CLCA1: variants seen among roughly 807,000 people sequenced by gnomAD.
CLCA1 encodes the protein chloride channel accessory 1.
Under a neutral mutation model 85.6 loss-of-function variants are expected in CLCA1, and 59 were observed. That is an observed-to-expected ratio of 0.69 (90% CI 0.56 to 0.86). The LOEUF is 0.86. Ranked by LOEUF, CLCA1 falls within the 40% of genes least tolerant of loss-of-function variation. The pLI is 0.00. For synonymous variants in CLCA1, 396 were observed against 398.3 expected (o/e 0.99, Z 0.07); for missense variants, 1,022 against 1,101.4 (o/e 0.93, Z 1.02).
At position 86,499,730 on chromosome 1, in the gene CLCA1, T is replaced by C. The variant is rs772151371; in HGVS notation, c.2430T>C (p.Asn810=). 1.2e-6 allele frequency: 2 copies of C among 1,606,806 alleles called. No individual in the cohort carries two copies. The highest frequency in any genetic ancestry group is 2.7e-5 in the African/African-American group (2 of 74,756). Reference sequence around the variant, plus strand: ...AGTTCAATGAATCTCTTCAAGTGAATACTACTGCTCTCATCCCAAAGGAAG... The same window carrying C: ...AGTTCAATGAATCTCTTCAAGTGAACACTACTGCTCTCATCCCAAAGGAAG... The part of the protein sequence containing the change: ...RDKFNESLQV[N]TTALIPKEAN... The change falls in exon 14 of 14, where the codon AAT becomes AAC. Residue 810 remains asparagine, a synonymous_variant. Coordinates refer to ENST00000394711, the MANE Select transcript of CLCA1 (RefSeq NM_001285.4).
rs189267538 is a variant in CLCA1 at position 86,482,350 on chromosome 1, G to C, written c.703G>C (p.Ala235Pro). 5.6e-6 allele frequency: 9 copies of C among 1,613,952 alleles called. No homozygotes were observed. The South Asian group carries it at 9.9e-5, about 18-fold the overall frequency. Residue 235 changes from alanine (A) to proline (P), a missense_variant, in exon 5 of 14, where the codon GCT becomes CCT. Physicochemically the swap from Ala to Pro is conservative, Grantham distance 27 (BLOSUM62 -1). Coordinates refer to ENST00000394711, the MANE Select transcript of CLCA1 (RefSeq NM_001285.4). Reference protein sequence around the residue: ...FVLQSRQTEKASIMFAQHVDS... With the variant: ...FVLQSRQTEKPSIMFAQHVDS... The stretch of plus-strand genomic sequence containing the variant: ...TCTCCAATCCCGCCAGACGGAGAAG[G>C]CTTCTATAATGTTTGCACAACATGT...
At chr1:86,471,666 AT>A (rs892612697) in intron 1 of CLCA1, among the ~76,000 whole-genome samples, 2 of 152,128 alleles carry the variant, frequency 1.3e-5, no homozygotes, top group African/African-American at 4.8e-5. Context: ...TTTTAATTTT[AT>A]TTTTTAAAGT....
Position 86,473,535 on chromosome 1 carries a change from C to G in CLCA1, c.281C>G (p.Pro94Arg). The change falls in exon 2 of 14, where the codon CCA becomes CGA. Residue 94 changes from proline to arginine, a missense_variant. Transcript: ENST00000394711. ...TWKTKADYVR[P>R]KLETYKNADV... Reference sequence around the variant, plus strand: ...AAGACAAAGGCTGACTATGTGAGACCAAAACTTGAGACCTACAAAAATGTG... The same window carrying G: ...AAGACAAAGGCTGACTATGTGAGACGAAAACTTGAGACCTACAAAAATGTG... The G allele has an allele frequency of 3.1e-6, 5 of 1,605,348 alleles. No homozygotes were observed. Among genetic ancestry groups the G allele is most frequent in the Non-Finnish European group, 3.4e-6 (4 of 1,175,362 alleles).
At chr1:86,478,408 C>A (rs753780405) in intron 4 of CLCA1, among the ~76,000 whole-genome samples, 1 of 151,820 alleles carries the variant, frequency 6.6e-6, no homozygotes, top group Non-Finnish European at 1.5e-5. Context: ...GCCTAGGCAA[C>A]AGAGCAAGAC....
At chr1:86,470,057 T>A (rs558092955) in intron 1 of CLCA1, among the ~76,000 whole-genome samples, 1 of 152,180 alleles carries the variant, frequency 6.6e-6, no homozygotes, top group African/African-American at 2.4e-5. Context: ...GCCTGGTACA[T>A]AGTAAGAGCT....
At chr1:86,483,667 A>G (rs1410822440) in intron 5 of CLCA1, among the ~76,000 whole-genome samples, 2 of 152,198 alleles carry the variant, frequency 1.3e-5, no homozygotes, top group African/African-American at 2.4e-5. Flanking sequence ...CATAATAACT[A>G]TCACTATTTT....
At chr1:86,489,209 C>T in intron 8 of CLCA1, 39 bp downstream of exon 8, 1 of 1,580,876 alleles carries the variant, frequency 6.3e-7, no homozygotes, top group Non-Finnish European at 8.6e-7. Context: ...TATTGTCTCT[C>T]CTACTGGACT....
At position 86,476,521 on chromosome 1, in the gene CLCA1, C is replaced by A; in HGVS notation, c.525C>A (p.Phe175Leu). The A allele has an allele frequency of 6.3e-7, 1 of 1,591,934 alleles. No homozygotes were observed. Among genetic ancestry groups the A allele is most frequent in the Non-Finnish European group, 8.6e-7 (1 of 1,160,056 alleles). The change falls in exon 4 of 14, where the codon TTC (phenylalanine) becomes TTA (leucine). Residue 175 changes from phenylalanine to leucine, a missense_variant. Physicochemically the swap from Phe to Leu is conservative, Grantham distance 22. Coordinates refer to ENST00000394711, the MANE Select transcript of CLCA1 (RefSeq NM_001285.4). ...VFDEYNNDEKFYLSNGRIQAV... is the reference protein window; with the variant it reads ...VFDEYNNDEKLYLSNGRIQAV... ...ACGAGTACAATAATGATGAGAAATTCTACTTATCCAATGGAAGAATACAAG... is the reference window on the plus strand; with the variant it reads ...ACGAGTACAATAATGATGAGAAATTATACTTATCCAATGGAAGAATACAAG...
intron 4 of CLCA1, among the ~76,000 whole-genome samples, chr1:86,477,502 T>C (rs1404280454): frequency 6.6e-6 from 1 of 152,196 alleles, no homozygotes; most frequent in Non-Finnish European, 1.5e-5. Context: ...AAAACTGCTT[T>C]AGTGCAAACA....
chr1:86,475,335 C>A (rs893257151), intron 3 of CLCA1, among the ~76,000 whole-genome samples: 1 of 152,162 alleles, frequency 6.6e-6, no homozygotes, highest in African/African-American at 2.4e-5. Context: ...CTCACATAAC[C>A]CTCCAAATTC....
intron 5 of CLCA1, among the ~76,000 whole-genome samples, chr1:86,484,036 G>A (rs1199698011): frequency 2.0e-5 from 3 of 152,130 alleles, no homozygotes; most frequent in Non-Finnish European, 2.9e-5. Flanking sequence ...ATCAGATTAC[G>A]TGGGAACTCA....
Position 86,485,434 on chromosome 1 carries a change from T to A in CLCA1, c.827T>A (p.Ile276Asn). The A allele has an allele frequency of 6.2e-7, 1 of 1,614,150 alleles. No homozygotes were observed. The highest frequency in any genetic ancestry group is 1.1e-5 in the South Asian group (1 of 91,090). Residue 276 changes from isoleucine to asparagine, a missense_variant, in exon 6 of 14, where the codon ATC becomes AAC. Transcript: ENST00000394711. Reference protein sequence around the residue: ...KCNLRSTWEVIRDSEDFKKTT... With the variant: ...KCNLRSTWEVNRDSEDFKKTT... Reference sequence around the variant, plus strand: ...AATCTCCGAAGCACATGGGAAGTGATCCGTGATTCTGAGGACTTTAAGAAA... The same window carrying A: ...AATCTCCGAAGCACATGGGAAGTGAACCGTGATTCTGAGGACTTTAAGAAA...
At chr1:86,491,977 A>T (rs1648145027) in intron 9 of CLCA1, among the ~76,000 whole-genome samples, 1 of 152,318 alleles carries the variant, frequency 6.6e-6, no homozygotes, top group East Asian at 1.9e-4. Flanking sequence ...CTGGTCTAAA[A>T]TTTCAAGAAA....
At chr1:86,473,607 G>C in intron 2 of CLCA1, 50 bp downstream of exon 2, 1 of 1,507,118 alleles carries the variant, frequency 6.6e-7, no homozygotes, top group Non-Finnish European at 9.0e-7. Context: ...CTGTAACCAA[G>C]ATTTTTTAAA....
At chr1:86,479,094 C>G (rs1396943744) in intron 4 of CLCA1, among the ~76,000 whole-genome samples, 1 of 152,288 alleles carries the variant, frequency 6.6e-6, no homozygotes, top group East Asian at 1.9e-4. Flanking sequence ...GAGAGAAAAT[C>G]ATTGTTATGC....
rs192155669 is a variant in CLCA1 at position 86,500,003 on chromosome 1, T to G, written c.2703T>G (p.Ile901Met). 6.2e-7 allele frequency: 1 copy of G among 1,612,864 alleles called. No homozygotes were observed. The highest frequency in any genetic ancestry group is 2.2e-5 in the East Asian group (1 of 44,872). The change falls in exon 14 of 14, where the codon ATT becomes ATG. Residue 901 changes from isoleucine (I) to methionine (M), a missense_variant. Physicochemically the swap from Ile to Met is conservative, Grantham distance 10 (BLOSUM62 1). Transcript: ENST00000394711. ...TTCCTGGCATTCACATTTTAAAAAT[T>G]ATGTGGAAGTGGATAGGAGAACTGC... ...STIPGIHILK[I>M]MWKWIGELQL...
chr1:86,495,530 T>C lies in CLCA1; in HGVS notation c.1968T>C (p.Gly656=). 6.2e-7 allele frequency: 1 copy of C among 1,613,772 alleles called. No individual in the cohort carries two copies. The highest frequency in any genetic ancestry group is 8.5e-7 in the Non-Finnish European group (1 of 1,179,716). The change falls in exon 12 of 14, where the codon GGT becomes GGC. Residue 656 remains glycine, a synonymous_variant. Transcript: ENST00000394711. The part of the protein sequence containing the change: ...GAGADATKDD[G]VYSRYFTTYD... The stretch of plus-strand genomic sequence containing the variant: ...GTGCTGATGCTACTAAGGATGACGG[T>C]GTCTACTCAAGGTATTTCACAACTT...
chr1:86,490,036 G>A (rs5744381), intron 8 of CLCA1, among the ~76,000 whole-genome samples: 157 of 152,312 alleles, frequency 1.0e-3, no homozygotes, highest in Non-Finnish European at 1.8e-3. Flanking sequence ...AGACCTAGTC[G>A]GAGTCTAGCT....
Position 86,485,412 on chromosome 1 carries a change from C to T in CLCA1, c.805C>T (p.Leu269Phe), listed in dbSNP as rs1647935059. The T allele has an allele frequency of 6.2e-7, 1 of 1,614,188 alleles. No homozygotes were observed. Among genetic ancestry groups the T allele is most frequent in the South Asian group, 1.1e-5 (1 of 91,080 alleles). ...AAACAAGCAAAATCAAAAATGCAAT[C>T]TCCGAAGCACATGGGAAGTGATCCG... ...APNKQNQKCN[L>F]RSTWEVIRDS... The change falls in exon 6 of 14, where the codon CTC (leucine) becomes TTC (phenylalanine). Residue 269 changes from leucine (L) to phenylalanine (F), a missense_variant. Coordinates refer to ENST00000394711, the MANE Select transcript of CLCA1 (RefSeq NM_001285.4).
Sources: gnomAD v4.1 joint callset for allele counts (sites outside exome capture counted in the v4.1 genomes callset) on GRCh38, gnomAD v4.1.1 for gene constraint, MANE v1.5 for transcripts, NCBI Gene and HGNC (gene_info 2026-07-23, HGNC 2026-07-21) for gene names.